The following KCND2 variants were observed in gnomAD, a reference collection of about 807,000 sequenced individuals.
The protein encoded by KCND2 is potassium voltage-gated channel subfamily D member 2.
In KCND2, 16 loss-of-function variants were observed where a neutral mutation model predicts 54.4. The observed-to-expected ratio is 0.29, with a 90% CI of 0.20 to 0.45. The LOEUF is 0.45. Ranked by LOEUF, KCND2 falls within the 20% of genes least tolerant of loss-of-function variation. KCND2 has a pLI of 1.00. For missense variants in KCND2, 486 were observed against 824.2 expected, an observed-to-expected ratio of 0.59 and a Z score of 5.02; for synonymous variants, 317 against 310.7, an observed-to-expected ratio of 1.02 and a Z score of -0.21.
At chr7:120,401,834 C>G (rs1340986229) in intron 1 of KCND2, among the ~76,000 whole-genome samples, 1 of 152,068 alleles carries the variant, frequency 6.6e-6, no homozygotes, top group African/African-American at 2.4e-5. Context: ...ACTTATTTTT[C>G]TATCCTTTCT....
intron 1 of KCND2, 111 bp from the exon 2 acceptor site, chr7:120,732,792 A>C: frequency 1.3e-6 from 1 of 791,382 alleles, no homozygotes; most frequent in South Asian, 1.6e-5. Flanking sequence ...ACAAAGTAGA[A>C]ATAGATATGT....
chr7:120,561,344 G>A (rs1792229926), intron 1 of KCND2, among the ~76,000 whole-genome samples: 1 of 152,082 alleles, frequency 6.6e-6, no homozygotes, highest in South Asian at 2.1e-4. Context: ...TTAGATATAA[G>A]CTATGCAAGT....
intron 1 of KCND2, among the ~76,000 whole-genome samples, chr7:120,527,248 A>G (rs1485153671): frequency 6.6e-6 from 1 of 152,118 alleles, no homozygotes; most frequent in Non-Finnish European, 1.5e-5. Context: ...AACATCTATA[A>G]AACATGTTGC....
intron 1 of KCND2, among the ~76,000 whole-genome samples, chr7:120,372,604 A>G (rs555069618): frequency 3.9e-5 from 6 of 152,006 alleles, no homozygotes; most frequent in African/African-American, 1.2e-4. Flanking sequence ...AATGATTTTC[A>G]GTTTTTTATA....
chr7:120,664,691 C>T (rs1050647074), intron 1 of KCND2, among the ~76,000 whole-genome samples: 4 of 151,936 alleles, frequency 2.6e-5, no homozygotes, highest in African/African-American at 7.3e-5. Flanking sequence ...ATTATGTTGG[C>T]GAGAAAACAG....
At chr7:120,354,294 G>A (rs1267676424) in intron 1 of KCND2, among the ~76,000 whole-genome samples, 1 of 152,158 alleles carries the variant, frequency 6.6e-6, no homozygotes, top group Non-Finnish European at 1.5e-5. Context: ...AATATTGGTG[G>A]TGATGTTGAA....
intron 1 of KCND2, among the ~76,000 whole-genome samples, chr7:120,449,487 G>C (rs1802071488): frequency 1.3e-5 from 2 of 152,128 alleles, no homozygotes. Flanking sequence ...AGAGTAATCT[G>C]TTCCTAGTTT....
intron 1 of KCND2, among the ~76,000 whole-genome samples, chr7:120,281,097 G>T (rs541576067): frequency 9.2e-5 from 14 of 152,188 alleles, no homozygotes; most frequent in African/African-American, 2.4e-4. Flanking sequence ...TGATGGAAAA[G>T]AATTCAGTTA....
chr7:120,646,275 C>T (rs927097363), intron 1 of KCND2, among the ~76,000 whole-genome samples: 3 of 152,114 alleles, frequency 2.0e-5, no homozygotes, highest in African/African-American at 4.8e-5. Flanking sequence ...GTGGCATTAA[C>T]ATCCTTCTTC....
chr7:120,555,960 A>T (rs1020479908), intron 1 of KCND2, among the ~76,000 whole-genome samples: 2 of 152,258 alleles, frequency 1.3e-5, no homozygotes, highest in African/African-American at 4.8e-5. Flanking sequence ...ATAATTTTCA[A>T]TGTTTAAAAC....
At chr7:120,373,311 C>T (rs1002364912) in intron 1 of KCND2, among the ~76,000 whole-genome samples, 9 of 151,872 alleles carry the variant, frequency 5.9e-5, no homozygotes, top group Admixed American at 5.9e-4. Context: ...GAGAACAGAG[C>T]CTGCCCCTAG....
chr7:120,394,684 A>G (rs935786513), intron 1 of KCND2, among the ~76,000 whole-genome samples: 3 of 151,936 alleles, frequency 2.0e-5, no homozygotes, highest in African/African-American at 4.8e-5. Flanking sequence ...AATTTCTCCC[A>G]TGGTTAGCTA....
chr7:120,508,825 G>A (rs960771236), intron 1 of KCND2, among the ~76,000 whole-genome samples: 2 of 151,366 alleles, frequency 1.3e-5, no homozygotes, highest in African/African-American at 4.9e-5. Context: ...TGTCACTGAG[G>A]CAAAATAGAT....
At chr7:120,350,756 C>A (rs1013783105) in intron 1 of KCND2, among the ~76,000 whole-genome samples, 5 of 152,102 alleles carry the variant, frequency 3.3e-5, no homozygotes, top group Non-Finnish European at 7.4e-5. Flanking sequence ...ATTTCTGTTC[C>A]CATGATAGCC....
At chr7:120,388,925 T>C (rs1041316016) in intron 1 of KCND2, among the ~76,000 whole-genome samples, 6 of 150,954 alleles carry the variant, frequency 4.0e-5, no homozygotes, top group Non-Finnish European at 5.9e-5. Flanking sequence ...TACATACATA[T>C]AGTAAACTGG....
chr7:120,536,701 G>T (rs566762019), intron 1 of KCND2, among the ~76,000 whole-genome samples: 1 of 152,002 alleles, frequency 6.6e-6, no homozygotes, highest in African/African-American at 2.4e-5. Flanking sequence ...GCCATCCTTC[G>T]ATCACAGGAT....
chr7:120,572,021 C>G (rs1437532278), intron 1 of KCND2, among the ~76,000 whole-genome samples: 1 of 152,180 alleles, frequency 6.6e-6, no homozygotes, highest in Non-Finnish European at 1.5e-5. Flanking sequence ...ATTTTCCTGG[C>G]TAATTCCTTT....
intron 1 of KCND2, among the ~76,000 whole-genome samples, chr7:120,446,129 CTT>C (rs1283579501): frequency 6.6e-6 from 1 of 152,118 alleles, no homozygotes; most frequent in African/African-American, 2.4e-5. Context: ...AGTCTTTTCT[CTT>C]TTGTCTTTTT....
chr7:120,509,287 A>G (rs1803077107), intron 1 of KCND2, among the ~76,000 whole-genome samples: 1 of 152,020 alleles, frequency 6.6e-6, no homozygotes, highest in South Asian at 2.1e-4. Context: ...TCAGTTAATA[A>G]TAGTCTATCA....
Sources: gnomAD v4.1 joint callset for allele counts (sites outside exome capture counted in the v4.1 genomes callset) on GRCh38, gnomAD v4.1.1 for gene constraint, MANE v1.5 for transcripts, NCBI Gene and HGNC (gene_info 2026-07-23, HGNC 2026-07-21) for gene names.